KIAA1549L: variants seen among roughly 807,000 people sequenced by gnomAD.
KIAA1549L encodes the protein UPF0606 protein KIAA1549L.
A neutral mutation model predicts 160.7 loss-of-function variants in KIAA1549L; 88 were observed. The observed-to-expected ratio is 0.55, with a 90% CI of 0.46 to 0.65. The LOEUF is 0.65. KIAA1549L is among the 30% of genes least tolerant of loss of function. KIAA1549L has a pLI of 0.00. For missense variants in KIAA1549L, 2,258 were observed against 2,437.5 expected (o/e 0.93, Z 1.55); for synonymous variants, 950 against 976.7 (o/e 0.97, Z 0.51).
chr11:33,492,585 T>C (rs1378312910), intron 1 of KIAA1549L, among the ~76,000 whole-genome samples: 1 of 152,188 alleles, frequency 6.6e-6, no homozygotes, highest in Non-Finnish European at 1.5e-5. Flanking sequence ...TTTTGTTATT[T>C]AGGCTGCTCG....
intron 1 of KIAA1549L, among the ~76,000 whole-genome samples, chr11:33,457,883 G>T (rs1323676540): frequency 6.6e-6 from 1 of 152,130 alleles, no homozygotes; most frequent in African/African-American, 2.4e-5. Context: ...AGATACGCAG[G>T]ACCAAGGGGC....
At position 33,435,804 on chromosome 11, in the gene KIAA1549L, A is replaced by ATGTGTGTGTGTGTGTGTGTGTGTG. The variant is rs1224054996; in HGVS notation, c.238+58916_238+58917insGTGTGTGTGTGTGTGTGTGTGTGT. ...TATATATATATATATATATATATAT[A>ATGTGTGTGTGTGTGTGTGTGTGTG]TATATATGTGTGTGTATATATATAT... is the stretch of plus-strand genomic sequence containing the variant. On this transcript the variant is annotated intron_variant, in intron 1 of 20. Transcript: ENST00000658780. Among the ~76,000 whole-genome samples the ATGTGTGTGTGTGTGTGTGTGTGTG allele has an allele frequency of 2.2e-3, 37 of 17,134 alleles. 3 individuals are homozygous for ATGTGTGTGTGTGTGTGTGTGTGTG. The highest frequency in any genetic ancestry group is 0.012 in the African/African-American group (37 of 3,098). The allele number at this position is 17,134 out of a possible 152,430, so 11.2% of individuals were successfully genotyped here.
In KIAA1549L at chr11:33,453,434, CA is replaced by C. The variant is rs1328527404; in HGVS notation, c.238+76547del. On this transcript the variant is annotated intron_variant, in intron 1 of 20. Coordinates refer to ENST00000658780, the MANE Select transcript of KIAA1549L (RefSeq NM_012194.3). The stretch of plus-strand genomic sequence containing the variant: ...CAACAGTATGATGTGGCTGCTTATA[CA>C]AGAGGATTCACTCCTAGGCTGCATT... Among the ~76,000 whole-genome samples the C allele has an allele frequency of 2.0e-5, 3 of 152,276 alleles. No homozygotes were observed. In the East Asian group the frequency reaches 5.8e-4, roughly 29 times the overall value.
intron 1 of KIAA1549L, among the ~76,000 whole-genome samples, chr11:33,466,444 C>T (rs895841340): frequency 6.6e-6 from 1 of 152,084 alleles, no homozygotes; most frequent in Non-Finnish European, 1.5e-5. Context: ...GTTAGAATGG[C>T]GATCATTAAA....
rs1854212837 is a variant in KIAA1549L, at chr11:33,545,330, G to A, written c.3337G>A (p.Ala1113Thr). ...TGCAGTGGTCACGACTGGCAAAATG[G>A]CATCCAACCTGGAGTGTCAGATGTC... ...SAAVVTTGKMASNLECQMSSK... is the reference protein window; with the variant it reads ...SAAVVTTGKMTSNLECQMSSK... The change falls in exon 3 of 21, where the codon GCA becomes ACA. Residue 1113 changes from alanine to threonine, a missense_variant. By Grantham distance (58) the Ala-to-Thr change is moderately conservative. Coordinates refer to ENST00000658780, the MANE Select transcript of KIAA1549L (RefSeq NM_012194.3). The A allele has an allele frequency of 1.2e-6, 2 of 1,612,810 alleles. No homozygotes were observed. Among genetic ancestry groups the A allele is most frequent in the South Asian group, 2.2e-5 (2 of 91,016 alleles).
chr11:33,654,256 G>A (rs990559449), intron 17 of KIAA1549L, among the ~76,000 whole-genome samples: 3 of 152,240 alleles, frequency 2.0e-5, no homozygotes, highest in Admixed American at 6.5e-5. Context: ...ACAGGCGTGA[G>A]CCACCACACC....
intron 1 of KIAA1549L, among the ~76,000 whole-genome samples, chr11:33,457,994 G>A (rs2132989990): frequency 6.6e-6 from 1 of 152,296 alleles, no homozygotes; most frequent in Non-Finnish European, 1.5e-5. Context: ...TGCTTCCATG[G>A]CCTGTGTGGG....
chr11:33,465,046 CTTTTTTTTTTT>C (rs1008261470), intron 1 of KIAA1549L, among the ~76,000 whole-genome samples: 18 of 78,964 alleles, frequency 2.3e-4, no homozygotes, highest in South Asian at 4.7e-4. Flanking sequence ...GGACCTTCTT[CTTTTTTTTTTT>C]TTTTTTTTTT....
intron 7 of KIAA1549L, among the ~76,000 whole-genome samples, chr11:33,560,731 A>G (rs1854826686): frequency 6.6e-6 from 1 of 152,206 alleles, no homozygotes; most frequent in African/African-American, 2.4e-5. Context: ...TTTAATACAT[A>G]TTAGCAAAAT....
intron 1 of KIAA1549L, among the ~76,000 whole-genome samples, chr11:33,454,537 T>C (rs960325088): frequency 6.6e-6 from 1 of 152,172 alleles, no homozygotes; most frequent in African/African-American, 2.4e-5. Context: ...GGCATTATAG[T>C]AATTGATGCA....
chr11:33,385,963 T>C (rs1850165299), intron 1 of KIAA1549L, among the ~76,000 whole-genome samples: 1 of 152,256 alleles, frequency 6.6e-6, no homozygotes. Context: ...AAACTCATTT[T>C]AGTTCTAGTA....
intron 1 of KIAA1549L, among the ~76,000 whole-genome samples, chr11:33,502,109 G>C (rs756586694): frequency 2.0e-5 from 3 of 152,186 alleles, no homozygotes; most frequent in Non-Finnish European, 4.4e-5. Flanking sequence ...TTTTGCTTTT[G>C]CAGAGGTTAG....
intron 1 of KIAA1549L, among the ~76,000 whole-genome samples, chr11:33,483,511 A>G (rs1852456687): frequency 6.6e-6 from 1 of 152,134 alleles, no homozygotes; most frequent in Non-Finnish European, 1.5e-5. Flanking sequence ...TTGGCATACC[A>G]CTGGGCATGG....
intron 1 of KIAA1549L, among the ~76,000 whole-genome samples, chr11:33,440,120 CTTTTTTT>C (rs201551936): frequency 9.8e-3 from 813 of 83,304 alleles, no homozygotes; most frequent in African/African-American, 0.036. Context: ...TATTTTGTTT[CTTTTTTT>C]TTTTTTTTTT....
intron 10 of KIAA1549L, among the ~76,000 whole-genome samples, chr11:33,582,993 T>A (rs1430502626): frequency 1.3e-5 from 2 of 152,224 alleles, no homozygotes; most frequent in Non-Finnish European, 2.9e-5. Flanking sequence ...TCTTTTGACT[T>A]GTGGATGTCA....
rs1852784610 is a variant in KIAA1549L at position 33,495,134 on chromosome 11, T to G, written c.239-46668T>G. On this transcript the variant is annotated intron_variant, in intron 1 of 20. Transcript: ENST00000658780. ...GTTTGTATTTTTTTATTTTTATTTA[T>G]TATTATTATACTTTAAGTTTTAGGG... Among the ~76,000 whole-genome samples, 3 of 151,958 alleles carry G rather than the reference T, an allele frequency of 2.0e-5. No homozygotes were observed. The South Asian group carries it at 6.2e-4, about 31-fold the overall frequency.
intron 1 of KIAA1549L, among the ~76,000 whole-genome samples, chr11:33,540,358 A>G (rs774922145): frequency 2.0e-5 from 3 of 152,266 alleles, no homozygotes; most frequent in Non-Finnish European, 2.9e-5. Context: ...ATTTCACCTG[A>G]CATCCACATA....
chr11:33,412,360 T>G (rs731737), intron 1 of KIAA1549L, among the ~76,000 whole-genome samples: 104,469 of 152,008 alleles, frequency 0.69, 35,887 homozygotes, highest in Non-Finnish European at 0.71. Flanking sequence ...AGTTGTAAAA[T>G]AATTACATGT....
At chr11:33,411,022 T>C (rs1237458626) in intron 1 of KIAA1549L, among the ~76,000 whole-genome samples, 1 of 151,968 alleles carries the variant, frequency 6.6e-6, no homozygotes, top group Non-Finnish European at 1.5e-5. Context: ...AGGACCAGTT[T>C]AGGGGAGTGG....
Sources: gnomAD v4.1 joint callset for allele counts (sites outside exome capture counted in the v4.1 genomes callset) on GRCh38, gnomAD v4.1.1 for gene constraint, MANE v1.5 for transcripts, NCBI Gene and HGNC (gene_info 2026-07-23, HGNC 2026-07-21) for gene names.